Variants in KCNMA1 observed in about 807,000 individuals in gnomAD.
The protein encoded by KCNMA1 is Calcium-activated potassium channel subunit alpha-1.
KCNMA1 carries 29 observed loss-of-function variants against 140.0 expected under a neutral mutation model. The ratio of observed to expected loss-of-function variants is 0.21; its 90% confidence interval spans 0.15 to 0.28. KCNMA1 has a LOEUF of 0.28. Among genes scored for constraint, KCNMA1 ranks in the 10% least tolerant of loss-of-function variants. The pLI, the probability that KCNMA1 is intolerant of heterozygous loss-of-function variation, is 1.00. For missense variants in KCNMA1, 880 were observed against 1,602.2 expected (o/e 0.55, Z 7.70); for synonymous variants, 612 against 611.9 (o/e 1.00, Z 0.00).
chr10:77,234,685 C>G (rs926775845), intron 3 of KCNMA1, among the ~76,000 whole-genome samples: 3 of 152,208 alleles, frequency 2.0e-5, no homozygotes, highest in African/African-American at 7.2e-5. Flanking sequence ...TGCACAGTAT[C>G]TCATTCACTA....
chr10:77,175,391 A>G (rs2098744037), intron 5 of KCNMA1, among the ~76,000 whole-genome samples: 1 of 152,194 alleles, frequency 6.6e-6, no homozygotes, highest in Non-Finnish European at 1.5e-5. Context: ...GCCTACTTTT[A>G]ATAAGCAATC....
At chr10:77,498,702 C>G (rs541544523) in intron 1 of KCNMA1, 4 of 152,174 alleles carry the variant, frequency 2.6e-5, no homozygotes, top group African/African-American at 9.7e-5. Context: ...AGAATTGACC[C>G]TCCCTATTTA....
chr10:77,306,688 G>C (rs570063392), intron 2 of KCNMA1, among the ~76,000 whole-genome samples: 66 of 152,304 alleles, frequency 4.3e-4, no homozygotes, highest in African/African-American at 1.5e-3. Context: ...TGACAGAGAG[G>C]GGGTGTTTAG....
chr10:77,268,447 A>G (rs1385701531), intron 2 of KCNMA1, among the ~76,000 whole-genome samples: 1 of 152,088 alleles, frequency 6.6e-6, no homozygotes, highest in Non-Finnish European at 1.5e-5. Context: ...TTGTTTTTTT[A>G]AGGCCTTGTC....
intron 2 of KCNMA1, among the ~76,000 whole-genome samples, chr10:77,348,413 A>G (rs1001462752): frequency 2.0e-5 from 3 of 152,104 alleles, no homozygotes; most frequent in Non-Finnish European, 2.9e-5. Flanking sequence ...AGATCAGGAG[A>G]GGTGTGTATG....
At chr10:77,462,290 A>G (rs1301354651) in intron 1 of KCNMA1, among the ~76,000 whole-genome samples, 2 of 151,820 alleles carry the variant, frequency 1.3e-5, no homozygotes, top group Non-Finnish European at 2.9e-5. Context: ...TACACACATG[A>G]GCACACACAC....
intron 17 of KCNMA1, among the ~76,000 whole-genome samples, chr10:77,014,524 G>C (rs922559224): frequency 5.3e-5 from 8 of 151,366 alleles, no homozygotes; most frequent in African/African-American, 1.9e-4. Flanking sequence ...TAGATTTCTT[G>C]AACTTATTCC....
chr10:77,184,466 C>T (rs1382920360), intron 4 of KCNMA1, among the ~76,000 whole-genome samples: 4 of 152,272 alleles, frequency 2.6e-5, no homozygotes, highest in Non-Finnish European at 4.4e-5. Context: ...GTGATTCACC[C>T]GCCTCAGCCT....
At chr10:77,421,193 T>C (rs2096859142) in intron 1 of KCNMA1, among the ~76,000 whole-genome samples, 1 of 152,230 alleles carries the variant, frequency 6.6e-6, no homozygotes, top group Non-Finnish European at 1.5e-5. Context: ...TTCAGGGATC[T>C]GCATGTCCTA....
At chr10:77,111,799 T>A (rs1001407087) in intron 7 of KCNMA1, among the ~76,000 whole-genome samples, 4 of 152,168 alleles carry the variant, frequency 2.6e-5, no homozygotes, top group African/African-American at 9.7e-5. Flanking sequence ...CTTCCCACAA[T>A]GGCTGTGCTC....
At chr10:76,923,792 G>C (rs2056786664) in intron 23 of KCNMA1, among the ~76,000 whole-genome samples, 1 of 152,114 alleles carries the variant, frequency 6.6e-6, no homozygotes, top group Non-Finnish European at 1.5e-5. Flanking sequence ...AGACAAGCCT[G>C]AGCAACATGG....
At chr10:76,917,344 C>T (rs1006642627) in intron 23 of KCNMA1, among the ~76,000 whole-genome samples, 4 of 152,130 alleles carry the variant, frequency 2.6e-5, no homozygotes, top group Non-Finnish European at 5.9e-5. Flanking sequence ...GAATAGCACC[C>T]ATAAAGCAGG....
intron 2 of KCNMA1, among the ~76,000 whole-genome samples, chr10:77,252,943 C>T (rs534867234): frequency 6.6e-5 from 10 of 152,110 alleles, no homozygotes; most frequent in South Asian, 4.2e-4. Flanking sequence ...AATTATCACC[C>T]GCCCAGCACT....
At chr10:77,205,743 C>T (rs1206764274) in intron 3 of KCNMA1, among the ~76,000 whole-genome samples, 1 of 152,082 alleles carries the variant, frequency 6.6e-6, no homozygotes, top group African/African-American at 2.4e-5. Context: ...TCATATCAGC[C>T]TAGATTTTGA....
intron 23 of KCNMA1, among the ~76,000 whole-genome samples, chr10:76,917,592 T>C (rs1329930382): frequency 6.6e-6 from 1 of 152,178 alleles, no homozygotes; most frequent in Non-Finnish European, 1.5e-5. Flanking sequence ...CATTAGCATC[T>C]GCAACTGACA....
chr10:77,634,436 C>T (rs1459737867), intron 1 of KCNMA1: 11 of 985,320 alleles, frequency 1.1e-5, no homozygotes, highest in Admixed American at 1.2e-4. Context: ...AGATGTCCCA[C>T]GATGCATGTC....
intron 5 of KCNMA1, among the ~76,000 whole-genome samples, chr10:77,146,701 CAAAAAAAAAAAAAAAAAA>C (rs5786266): frequency 3.1e-5 from 2 of 64,182 alleles, no homozygotes; most frequent in South Asian, 9.5e-4. Context: ...GACTTCATCT[CAAAAAAAAAAAAAAAAAA>C]AAAAAAAAAA....
chr10:77,195,197 C>T (rs1037121786), intron 3 of KCNMA1, among the ~76,000 whole-genome samples: 1 of 152,172 alleles, frequency 6.6e-6, no homozygotes, highest in Non-Finnish European at 1.5e-5. Flanking sequence ...CCGTCTTTGG[C>T]TGACAGCTAA....
chr10:76,946,858 T>C (rs1208396952), intron 22 of KCNMA1, among the ~76,000 whole-genome samples: 1 of 152,228 alleles, frequency 6.6e-6, no homozygotes, highest in African/African-American at 2.4e-5. Context: ...ATCGCTTATG[T>C]TTCTCTGGGC....
Sources: gnomAD v4.1 joint callset for allele counts (sites outside exome capture counted in the v4.1 genomes callset) on GRCh38, gnomAD v4.1.1 for gene constraint, MANE v1.5 for transcripts, NCBI Gene and HGNC (gene_info 2026-07-23, HGNC 2026-07-21) for gene names.